CALD1: variants seen among roughly 807,000 people sequenced by gnomAD.
CALD1 encodes caldesmon 1.
CALD1 carries 33 observed loss-of-function variants against 99.9 expected under a neutral mutation model. That is an observed-to-expected ratio of 0.33 (90% CI 0.25 to 0.44). The LOEUF is 0.44. Among genes scored for constraint, CALD1 ranks in the 20% least tolerant of loss-of-function variants. CALD1 has a pLI of 1.00. For missense variants in CALD1, 861 were observed against 962.1 expected, an observed-to-expected ratio of 0.89 and a Z score of 1.39; for synonymous variants, 310 against 325.0, an observed-to-expected ratio of 0.95 and a Z score of 0.50.
At chr7:134,779,403 T>C (rs146909246), upstream of CALD1, 21 of 346,102 alleles carry the variant, frequency 6.1e-5, no homozygotes, top group Middle Eastern at 3.8e-3. Context: ...TTTTAGGTCT[T>C]GGGTTTTCTG....
At chr7:134,719,557 AG>A in the CALD1 span, among the ~76,000 whole-genome samples, 4 of 152,314 alleles carry the variant, frequency 2.6e-5, no homozygotes, top group East Asian at 7.7e-4. Flanking sequence ...TAGAAAGAGC[AG>A]GCAGAGAACA....
intron 2 of CALD1, among the ~76,000 whole-genome samples, chr7:134,861,845 G>A (rs973784836): frequency 2.6e-5 from 4 of 152,202 alleles, no homozygotes; most frequent in African/African-American, 7.2e-5. Flanking sequence ...CCTTGCGAGA[G>A]CAGAGAAATG....
chr7:134,960,453 T>C, intron 12 of CALD1, 80 bp from the exon 13 acceptor site: 1 of 835,434 alleles, frequency 1.2e-6, no homozygotes, highest in Non-Finnish European at 2.1e-6. Flanking sequence ...CTTAATGATA[T>C]TTTGAATTTG....
intron 1 of CALD1, among the ~76,000 whole-genome samples, chr7:134,772,787 G>A (rs11975997): frequency 0.58 from 88,492 of 152,070 alleles, 26,943 homozygotes; most frequent in East Asian, 0.88. Context: ...TGAATAATCT[G>A]TCTACCTCAC....
intron 3 of CALD1, among the ~76,000 whole-genome samples, chr7:134,903,963 C>T (rs1362406630): frequency 6.6e-6 from 1 of 152,102 alleles, no homozygotes; most frequent in Non-Finnish European, 1.5e-5. Flanking sequence ...GGCCTCACAC[C>T]TGTAATCCTA....
intron 3 of CALD1, among the ~76,000 whole-genome samples, chr7:134,900,431 A>C (rs1802906807): frequency 6.6e-6 from 1 of 152,082 alleles, no homozygotes; most frequent in Admixed American, 6.5e-5. Context: ...AGCAGAAGGG[A>C]TGGTTTTAAA....
chr7:134,711,660 C>CTATATATATATATA, the CALD1 span, among the ~76,000 whole-genome samples: 2 of 78,350 alleles, frequency 2.6e-5, no homozygotes, highest in African/African-American at 6.2e-5. Flanking sequence ...CTCTCTCTCT[C>CTATATATATATATA]TATATATATA....
chr7:134,905,461 C>T (rs1210072844), intron 3 of CALD1, among the ~76,000 whole-genome samples: 7 of 152,074 alleles, frequency 4.6e-5, no homozygotes, highest in Non-Finnish European at 7.4e-5. Flanking sequence ...CCTGCTTGGA[C>T]GTGTGTAAGA....
chr7:134,718,137 C>T, the CALD1 span, among the ~76,000 whole-genome samples: 1 of 152,094 alleles, frequency 6.6e-6, no homozygotes, highest in Non-Finnish European at 1.5e-5. Context: ...TTTATAAGTG[C>T]CTGTGGATTT....
chr7:134,781,560 T>C (rs1797104837), intron 1 of CALD1, among the ~76,000 whole-genome samples: 1 of 152,108 alleles, frequency 6.6e-6, no homozygotes, highest in Non-Finnish European at 1.5e-5. Flanking sequence ...CTGTTGAATG[T>C]TACCTAGAAC....
chr7:134,734,412 G>A, the CALD1 span, among the ~76,000 whole-genome samples: 2 of 152,132 alleles, frequency 1.3e-5, no homozygotes, highest in South Asian at 4.2e-4. Flanking sequence ...CATGCCATGT[G>A]AAGACACAAA....
intron 1 of CALD1, among the ~76,000 whole-genome samples, chr7:134,792,657 T>G (rs1415021030): frequency 2.6e-5 from 4 of 152,162 alleles, no homozygotes; most frequent in African/African-American, 4.8e-5. Flanking sequence ...CATTTTAACT[T>G]GATTACCTCT....
intron 1 of CALD1, among the ~76,000 whole-genome samples, chr7:134,799,375 ACT>A (rs1335609912): frequency 6.6e-6 from 1 of 152,224 alleles, no homozygotes; most frequent in African/African-American, 2.4e-5. Flanking sequence ...GGTTGAACTA[ACT>A]CTCAAATAGG....
chr7:134,766,151 T>C (rs1043339401), intron 1 of CALD1, among the ~76,000 whole-genome samples: 135 of 129,574 alleles, frequency 1.0e-3, no homozygotes, highest in African/African-American at 2.6e-3. Flanking sequence ...CTTTTTTTTT[T>C]TTTTTTTTTT....
intron 3 of CALD1, among the ~76,000 whole-genome samples, chr7:134,875,638 A>C (rs1437968681): frequency 6.6e-6 from 1 of 152,178 alleles, no homozygotes; most frequent in Non-Finnish European, 1.5e-5. Flanking sequence ...TGCTTTGCTC[A>C]CCCCTTAAAC....
At chr7:134,781,584 T>C (rs1207983860) in intron 1 of CALD1, among the ~76,000 whole-genome samples, 5 of 143,178 alleles carry the variant, frequency 3.5e-5, no homozygotes, top group Admixed American at 7.2e-5. Flanking sequence ...TTTCCCCACA[T>C]AGTGAGGCCA....
At position 134,780,966 on chromosome 7, in the gene CALD1, C is replaced by A. The variant is rs73446167; in HGVS notation, c.-130+1217C>A. ...CAACTGGATTTTATTCCATGCAATG[C>A]GGTAGTTTGGGGTTGAGATTCATTA... On this transcript the variant is annotated intron_variant, in intron 1 of 14. Coordinates refer to ENST00000361675, the MANE Select transcript of CALD1 (RefSeq NM_033138.4). 8.0e-3 allele frequency among the ~76,000 whole-genome samples: 1,215 copies of A among 152,222 alleles called. 14 individuals carry two copies. The highest frequency in any genetic ancestry group is 0.027 in the African/African-American group (1,133 of 41,530).
chr7:134,741,699 T>C (rs1195362262), upstream of CALD1, among the ~76,000 whole-genome samples: 1 of 152,176 alleles, frequency 6.6e-6, no homozygotes, highest in Non-Finnish European at 1.5e-5. Context: ...ACATGTGCAA[T>C]AATAATCTGG....
chr7:134,860,300 C>T (rs1800507163), intron 2 of CALD1, among the ~76,000 whole-genome samples: 2 of 152,110 alleles, frequency 1.3e-5, no homozygotes, highest in Non-Finnish European at 2.9e-5. Flanking sequence ...AACCATTGAG[C>T]TCAGAAAAGA....
Sources: allele counts gnomAD v4.1 joint callset (sites outside exome capture counted in the v4.1 genomes callset), GRCh38; gene constraint gnomAD v4.1.1; transcripts MANE v1.5; gene names NCBI Gene and HGNC (gene_info 2026-07-23, HGNC 2026-07-21).